The following SPECC1 variants were observed in gnomAD, a reference collection of about 807,000 sequenced individuals.
SPECC1 encodes cytospin-B.
In SPECC1, 62 loss-of-function variants were observed where a neutral mutation model predicts 104.1. The ratio of observed to expected loss-of-function variants is 0.60; its 90% CI spans 0.49 to 0.74. The LOEUF is 0.74. Among genes scored for constraint, SPECC1 ranks in the 30% least tolerant of loss-of-function variants. SPECC1 has a pLI of 0.00. For synonymous variants in SPECC1, 513 were observed against 501.6 expected (o/e 1.02, Z -0.30); for missense variants, 1,306 against 1,310.5 (o/e 1.00, Z 0.05).
chr17:20,016,858 G>A (rs572371393), intron 1 of SPECC1, among the ~76,000 whole-genome samples: 29 of 152,370 alleles, frequency 1.9e-4, no homozygotes, highest in South Asian at 2.1e-4. Context: ...CACTGATGCC[G>A]GATCCACTGG....
chr17:20,199,897 C>G (rs1048262404), intron 3 of SPECC1, among the ~76,000 whole-genome samples: 10 of 152,180 alleles, frequency 6.6e-5, no homozygotes, highest in Non-Finnish European at 1.0e-4. Context: ...TTAAGTGATT[C>G]TCTTGCCTCA....
At chr17:20,021,398 C>G (rs2044368887) in intron 1 of SPECC1, among the ~76,000 whole-genome samples, 1 of 151,956 alleles carries the variant, frequency 6.6e-6, no homozygotes, top group Non-Finnish European at 1.5e-5. Flanking sequence ...TGATTCTGGT[C>G]TTAATATCCA....
chr17:20,177,852 G>A (rs2034581912), intron 3 of SPECC1, among the ~76,000 whole-genome samples: 1 of 152,044 alleles, frequency 6.6e-6, no homozygotes, highest in South Asian at 2.1e-4. Context: ...TGGGCCCACA[G>A]GCATGTGCCA....
Position 20,205,732 on chromosome 17 carries a change from G to C in SPECC1, c.1683G>C (p.Glu561Asp). The change falls in exon 4 of 15, where the codon GAG becomes GAC. Residue 561 changes from glutamate (E) to aspartate (D), a missense_variant. This residue lies in a region of SPECC1 where 1,177 missense variants were observed against 1,139.9 expected (regional missense o/e 1.03). Transcript: ENST00000395527. Reference protein sequence around the residue: ...NGSLKSHLQGEKQKATEASAV... With the variant: ...NGSLKSHLQGDKQKATEASAV... ...CTTTGAAGTCTCATTTGCAGGGTGA[G>C]AAGCAGAAAGCCACAGAGGCCAGTG... 1 of 1,614,222 alleles carries C rather than the reference G, an allele frequency of 6.2e-7. No individual in the cohort carries two copies.
intron 3 of SPECC1, among the ~76,000 whole-genome samples, chr17:20,201,606 A>G (rs752228326): frequency 6.6e-6 from 1 of 152,244 alleles, no homozygotes; most frequent in Non-Finnish European, 1.5e-5. Context: ...AGTTATGGTG[A>G]AACTTTAGTT....
intron 3 of SPECC1, among the ~76,000 whole-genome samples, chr17:20,193,887 T>C (rs904158110): frequency 6.6e-6 from 1 of 152,240 alleles, no homozygotes; most frequent in Non-Finnish European, 1.5e-5. Flanking sequence ...CTCTTGTTTC[T>C]TCTGAGCAGC....
intron 3 of SPECC1, among the ~76,000 whole-genome samples, chr17:20,153,167 G>A (rs1373687227): frequency 1.3e-5 from 2 of 152,200 alleles, no homozygotes; most frequent in Non-Finnish European, 2.9e-5. Context: ...AGTTATGGAC[G>A]AGGTGTTGAA....
chr17:20,317,280 T>TTTTTTTTTTTTTTTTTTTG lies in SPECC1; in HGVS notation c.*3215_*3216insTTTTTTTTTTTTTTTTTTG, dbSNP rs1358654698. The TTTTTTTTTTTTTTTTTTTG allele has an allele frequency of 6.1e-6, 1 of 163,476 alleles. No homozygotes were observed. Among genetic ancestry groups the TTTTTTTTTTTTTTTTTTTG allele is most frequent in the African/African-American group, 2.5e-5 (1 of 39,728 alleles). 10.1% of individuals were successfully genotyped at this position (163,476 alleles called of 1,614,324 possible). On this transcript the variant is annotated 3_prime_UTR_variant, in exon 15 of 15. Transcript: ENST00000395527. ...AAAAATTTTTTTTTTTTTTTTTTTT[T>TTTTTTTTTTTTTTTTTTTG]GAGAGAGCGTCTCACTTCTCTGTCA... is the stretch of plus-strand genomic sequence containing the variant.
intron 12 of SPECC1, among the ~76,000 whole-genome samples, chr17:20,294,667 T>C (rs200627125): frequency 1.7e-5 from 1 of 58,592 alleles, no homozygotes; most frequent in African/African-American, 4.5e-5. Flanking sequence ...AAGGTACTGA[T>C]GATGGTGGTG....
chr17:20,306,878 T>TA lies in SPECC1; in HGVS notation c.3117+797dup, dbSNP rs1482366464. On this transcript the variant is annotated intron_variant, in intron 14 of 14. Coordinates refer to ENST00000395527, the MANE Select transcript of SPECC1 (RefSeq NM_001243439.2). ...TGATCTACTTGAGCTAGTCAGCAGA[T>TA]ATAGCAAACAAAAGGATTATCTACC... is the stretch of plus-strand genomic sequence containing the variant. 5.3e-5 allele frequency among the ~76,000 whole-genome samples: 8 copies of TA among 152,126 alleles called. No individual in the cohort carries two copies. The East Asian group carries it at 1.5e-3, about 29-fold the overall frequency.
At chr17:20,082,957 T>TGTTCGTTCGTTCGTTC (rs5819696) in intron 1 of SPECC1, among the ~76,000 whole-genome samples, 6 of 147,762 alleles carry the variant, frequency 4.1e-5, no homozygotes, top group South Asian at 4.4e-4. Context: ...TGTCCTTTGG[T>TGTTCGTTCGTTCGTTC]GTTCGTTCGT....
chr17:20,176,899 G>A (rs1240128636), intron 3 of SPECC1, among the ~76,000 whole-genome samples: 1 of 152,220 alleles, frequency 6.6e-6, no homozygotes, highest in African/African-American at 2.4e-5. Context: ...TAGGGATTAG[G>A]ATGTGGACAT....
chr17:20,058,837 T>C (rs1273742827), intron 1 of SPECC1, among the ~76,000 whole-genome samples: 2 of 100,470 alleles, frequency 2.0e-5, no homozygotes, highest in Non-Finnish European at 4.2e-5. Context: ...CTTTATTTCT[T>C]TTTTTTTTTT....
chr17:20,173,401 A>C (rs1255849531), intron 3 of SPECC1, among the ~76,000 whole-genome samples: 1 of 152,252 alleles, frequency 6.6e-6, no homozygotes, highest in African/African-American at 2.4e-5. Context: ...TTATTTATCA[A>C]AGTGCCATGT....
intron 2 of SPECC1, among the ~76,000 whole-genome samples, chr17:20,102,055 C>T (rs187780152): frequency 3.3e-5 from 5 of 152,360 alleles, no homozygotes; most frequent in Admixed American, 2.0e-4. Flanking sequence ...TACTAAATAG[C>T]AAAGCAGCAC....
At chr17:20,213,572 G>T (rs902771038) in intron 4 of SPECC1, among the ~76,000 whole-genome samples, 3 of 152,178 alleles carry the variant, frequency 2.0e-5, no homozygotes, top group Non-Finnish European at 2.9e-5. Context: ...TTACCTGATT[G>T]TAATACAATG....
At chr17:20,211,388 A>T (rs1488833832) in intron 4 of SPECC1, among the ~76,000 whole-genome samples, 2 of 152,174 alleles carry the variant, frequency 1.3e-5, no homozygotes, top group Admixed American at 6.5e-5. Context: ...AGCCATGAGG[A>T]TGTGGAAGTC....
chr17:20,280,429 A>G (rs1274340317), intron 12 of SPECC1, among the ~76,000 whole-genome samples: 2 of 152,266 alleles, frequency 1.3e-5, no homozygotes, highest in Admixed American at 6.5e-5. Flanking sequence ...TGGGCCCAGC[A>G]TCCAGTCCCT....
At chr17:20,134,479 T>C (rs1189828059) in intron 3 of SPECC1, among the ~76,000 whole-genome samples, 1 of 151,266 alleles carries the variant, frequency 6.6e-6, no homozygotes, top group African/African-American at 2.4e-5. Context: ...GGAAAAAAAA[T>C]TGGGCACAGG....
Sources: gnomAD v4.1 joint callset for allele counts (sites outside exome capture counted in the v4.1 genomes callset) on GRCh38, gnomAD v4.1.1 for gene constraint, gnomAD v4.1.1 regional missense constraint, MANE v1.5 for transcripts, NCBI Gene and HGNC (gene_info 2026-07-23, HGNC 2026-07-21) for gene names.